BEND7: variants seen among roughly 807,000 people sequenced by gnomAD.
The protein encoded by BEND7 is BEN domain-containing protein 7.
A neutral mutation model predicts 50.9 loss-of-function variants in BEND7; 28 were observed. That is an observed-to-expected ratio of 0.55 (90% CI 0.41 to 0.75). The LOEUF (loss-of-function observed/expected upper bound fraction) is 0.75. BEND7 is among the 30% of genes least tolerant of loss of function. BEND7 has a pLI of 0.00. For synonymous variants in BEND7, 170 were observed against 183.9 expected, an observed-to-expected ratio of 0.92 and a Z score of 0.61; for missense variants, 477 against 491.3, an observed-to-expected ratio of 0.97 and a Z score of 0.28.
At chr10:13,456,418 A>G (rs10796081) in intron 6 of BEND7, among the ~76,000 whole-genome samples, 47,620 of 152,098 alleles carry the variant, frequency 0.31, 8,708 homozygotes, top group East Asian at 0.68. Context: ...TGTCATGTGG[A>G]CAGAGAAGTG....
intron 5 of BEND7, among the ~76,000 whole-genome samples, chr10:13,481,844 G>A (rs2075882614): frequency 6.6e-6 from 1 of 152,208 alleles, no homozygotes; most frequent in South Asian, 2.1e-4. Flanking sequence ...GGGACATCCT[G>A]ACTGGGATAC....
In BEND7 at chr10:13,478,833, C is replaced by T. The variant is rs965695377; in HGVS notation, c.1063+2066G>A. 4.0e-5 allele frequency among the ~76,000 whole-genome samples: 6 copies of T among 151,804 alleles called. No individual in the cohort carries two copies. In the East Asian group the frequency reaches 5.8e-4, roughly 15 times the overall value. On this transcript the variant is annotated intron_variant, in intron 6 of 8. Coordinates refer to ENST00000466271, the MANE Select transcript of BEND7 (RefSeq NM_001369863.1). The stretch of plus-strand genomic sequence containing the variant: ...TCCATCTGTTTTAAAGTTACTGGGT[C>T]GTTATTACAGAATTTTAATAGATTT...
At chr10:13,490,790 A>G (rs1208793901) in intron 5 of BEND7, among the ~76,000 whole-genome samples, 11 of 151,776 alleles carry the variant, frequency 7.2e-5, no homozygotes, top group African/African-American at 1.5e-4. Context: ...GCCCAATCCT[A>G]TGATTTTGTT....
intron 6 of BEND7, among the ~76,000 whole-genome samples, chr10:13,476,464 A>C (rs1307900845): frequency 6.6e-6 from 1 of 152,236 alleles, no homozygotes; most frequent in Non-Finnish European, 1.5e-5. Context: ...CACTGAATGC[A>C]AGAAGATTCA....
intron 2 of BEND7, among the ~76,000 whole-genome samples, chr10:13,510,418 T>G (rs1043872168): frequency 1.3e-5 from 2 of 152,202 alleles, no homozygotes; most frequent in African/African-American, 4.8e-5. Context: ...TTACCAAAAT[T>G]TATGCTACAG....
intron 6 of BEND7, among the ~76,000 whole-genome samples, chr10:13,459,099 G>T (rs1363640634): frequency 1.3e-5 from 2 of 152,172 alleles, no homozygotes; most frequent in African/African-American, 4.8e-5. Context: ...CGCAGTGACG[G>T]TACAAGAAAA....
downstream of BEND7, chr10:13,439,118 A>T: frequency 6.8e-7 from 1 of 1,461,064 alleles, no homozygotes; most frequent in South Asian, 1.4e-5. Context: ...CACAAGGCTC[A>T]GATTCCAGTG....
intron 2 of BEND7, among the ~76,000 whole-genome samples, chr10:13,522,311 G>GCC: frequency 6.6e-6 from 1 of 152,216 alleles, no homozygotes; most frequent in Non-Finnish European, 1.5e-5. Flanking sequence ...AAAGTGCCCT[G>GCC]CTAGCAGCTA....
At chr10:13,475,661 G>A (rs1295539496) in intron 6 of BEND7, among the ~76,000 whole-genome samples, 1 of 152,112 alleles carries the variant, frequency 6.6e-6, no homozygotes, top group Non-Finnish European at 1.5e-5. Flanking sequence ...CAACCGACTG[G>A]TCATCTGAAA....
intron 5 of BEND7, among the ~76,000 whole-genome samples, chr10:13,489,897 C>T (rs1450505692): frequency 2.0e-5 from 3 of 152,326 alleles, no homozygotes; most frequent in South Asian, 4.1e-4. Flanking sequence ...TTTCCTCCTT[C>T]GCAGATTAAA....
chr10:13,478,186 G>C (rs1397984262), intron 6 of BEND7, among the ~76,000 whole-genome samples: 1 of 152,130 alleles, frequency 6.6e-6, no homozygotes, highest in Non-Finnish European at 1.5e-5. Flanking sequence ...CTCTGGGTGT[G>C]GTGTCACCTC....
intron 5 of BEND7, among the ~76,000 whole-genome samples, chr10:13,487,895 C>A (rs2076349340): frequency 1.3e-5 from 2 of 151,740 alleles, no homozygotes; most frequent in African/African-American, 4.8e-5. Flanking sequence ...GAGATCGATA[C>A]CAGCCTGGCC....
chr10:13,496,543 CA>C (rs2077031821), intron 4 of BEND7, among the ~76,000 whole-genome samples: 1 of 152,108 alleles, frequency 6.6e-6, no homozygotes, highest in Admixed American at 6.5e-5. Context: ...CGAGTACATA[CA>C]CATAATTATA....
chr10:13,474,240 C>T (rs966378961), intron 6 of BEND7, among the ~76,000 whole-genome samples: 24 of 151,910 alleles, frequency 1.6e-4, no homozygotes, highest in Admixed American at 3.3e-4. Context: ...CTGTTAGACT[C>T]GGGGTCGACA....
intron 5 of BEND7, among the ~76,000 whole-genome samples, chr10:13,489,943 G>A (rs1467668473): frequency 3.9e-5 from 6 of 152,242 alleles, no homozygotes; most frequent in Non-Finnish European, 1.5e-5. Context: ...TATGTGCCAG[G>A]CACTGCTACA....
chr10:13,452,003 T>C (rs1837861271), intron 7 of BEND7, among the ~76,000 whole-genome samples: 1 of 152,130 alleles, frequency 6.6e-6, no homozygotes, highest in Non-Finnish European at 1.5e-5. Flanking sequence ...GGTGCTCACT[T>C]TTCCTGGAAG....
At chr10:13,482,357 C>T (rs1017363938) in intron 5 of BEND7, among the ~76,000 whole-genome samples, 5 of 152,132 alleles carry the variant, frequency 3.3e-5, no homozygotes, top group Admixed American at 2.0e-4. Context: ...TGAAGAAAAC[C>T]TCACTGAATT....
intron 6 of BEND7, among the ~76,000 whole-genome samples, chr10:13,456,001 C>T (rs140564637): frequency 5.9e-5 from 9 of 152,216 alleles, no homozygotes; most frequent in African/African-American, 9.6e-5. Context: ...CTTTAGGACA[C>T]GGGATGGTAG....
chr10:13,447,371 T>C (rs1162901692), intron 7 of BEND7, 55 bp from the exon 8 acceptor site: 2 of 1,578,780 alleles, frequency 1.3e-6, no homozygotes, highest in African/African-American at 2.7e-5. Flanking sequence ...AGCACATTCA[T>C]TTTACAGAAA....
Sources: allele counts gnomAD v4.1 joint callset (sites outside exome capture counted in the v4.1 genomes callset), GRCh38; gene constraint gnomAD v4.1.1; transcripts MANE v1.5; gene names NCBI Gene and HGNC (gene_info 2026-07-23, HGNC 2026-07-21).